The following PCTP variants were observed in gnomAD, a reference collection of about 807,000 sequenced individuals.
PCTP encodes phosphatidylcholine transfer protein.
Under a neutral mutation model 31.0 loss-of-function variants are expected in PCTP, and 27 were observed. The observed-to-expected ratio is 0.87, with a 90% CI of 0.64 to 1.20. The LOEUF (loss-of-function observed/expected upper bound fraction) is 1.20, where lower values mean the gene tolerates loss of function less well. Among genes scored for constraint, PCTP ranks in the 50% most tolerant of loss-of-function variants. The pLI is 0.00. For missense variants in PCTP, 287 were observed against 268.2 expected (o/e 1.07, Z -0.49); for synonymous variants, 108 against 101.2 (o/e 1.07, Z -0.40).
At position 55,816,053 on chromosome 17, in the gene PCTP, G is replaced by GA. The variant is rs1178989394; in HGVS notation, c.318-6707dup. On this transcript the variant is annotated intron_variant, in intron 3 of 3. Transcript: ENST00000572536. ...AATTACTAACATTTCCTCTCTTCATGAGGACAAGGTTCTTCTTCTTTAATT... is the reference window on the plus strand; with the variant it reads ...AATTACTAACATTTCCTCTCTTCATGAAGGACAAGGTTCTTCTTCTTTAATT... Among the ~76,000 whole-genome samples, 5 of 152,254 alleles carry GA rather than the reference G, an allele frequency of 3.3e-5. No homozygotes were observed. The South Asian group carries it at 6.2e-4, about 19-fold the overall frequency.
chr17:55,851,165 C>T, the PCTP span, among the ~76,000 whole-genome samples: 2 of 152,248 alleles, frequency 1.3e-5, no homozygotes, highest in South Asian at 4.1e-4. Flanking sequence ...CTCTTAGATC[C>T]TATTTTTTCT....
chr17:55,845,246 G>A (rs939861676), downstream of PCTP, among the ~76,000 whole-genome samples: 2 of 152,242 alleles, frequency 1.3e-5, no homozygotes, highest in South Asian at 4.2e-4. Flanking sequence ...TCAGCCAATA[G>A]GTGTTTATTT....
At chr17:55,772,399 C>G (rs1429727333) in intron 3 of PCTP, among the ~76,000 whole-genome samples, 1 of 151,838 alleles carries the variant, frequency 6.6e-6, no homozygotes, top group South Asian at 2.1e-4. Flanking sequence ...TCAGCCTGGC[C>G]AACATGGAGA....
chr17:55,758,431 T>C (rs1344788032), intron 1 of PCTP, among the ~76,000 whole-genome samples: 3 of 152,128 alleles, frequency 2.0e-5, no homozygotes, highest in Admixed American at 6.5e-5. Flanking sequence ...CACAGATCCA[T>C]CTCACAGGAG....
intron 1 of PCTP, among the ~76,000 whole-genome samples, chr17:55,752,072 T>C (rs898825986): frequency 2.6e-5 from 4 of 152,186 alleles, no homozygotes; most frequent in African/African-American, 7.2e-5. Flanking sequence ...CCAGGTTTCA[T>C]AGGTGAAAGC....
At chr17:55,786,093 G>A in intron 2 of PCTP, among the ~76,000 whole-genome samples, 1 of 152,180 alleles carries the variant, frequency 6.6e-6, no homozygotes, top group East Asian at 1.9e-4. Flanking sequence ...GACCAGCCTG[G>A]CCAACATGGC....
At chr17:55,788,218 A>G (rs1911821364) in intron 3 of PCTP, among the ~76,000 whole-genome samples, 1 of 152,192 alleles carries the variant, frequency 6.6e-6, no homozygotes, top group Non-Finnish European at 1.5e-5. Context: ...GTACCATGCT[A>G]ACTTTAACCT....
At chr17:55,786,561 T>G (rs1387637431) in intron 2 of PCTP, among the ~76,000 whole-genome samples, 1 of 152,226 alleles carries the variant, frequency 6.6e-6, no homozygotes, top group Non-Finnish European at 1.5e-5. Flanking sequence ...GTTACTTTCA[T>G]CTATTGACCT....
At chr17:55,756,550 C>T (rs1283608710) in intron 1 of PCTP, among the ~76,000 whole-genome samples, 1 of 152,154 alleles carries the variant, frequency 6.6e-6, no homozygotes, top group Non-Finnish European at 1.5e-5. Context: ...CAAGCCCTAC[C>T]TTAGGGATTC....
chr17:55,764,305 C>T (rs1401998184), intron 1 of PCTP, among the ~76,000 whole-genome samples: 2 of 152,138 alleles, frequency 1.3e-5, no homozygotes, highest in African/African-American at 4.8e-5. Context: ...TGCTATTTGT[C>T]TCCCTTCCAA....
Position 55,799,273 on chromosome 17 carries a change from T to C in PCTP, c.317+11619T>C, listed in dbSNP as rs549712341. ...CTGCTTAAAAGAGACATAATTTAAA[T>C]GCAAAAAGGTTAAAAGTAAAAATGT... On this transcript the variant is annotated intron_variant, in intron 3 of 3. Transcript: ENST00000572536. Among the ~76,000 whole-genome samples, 5 of 152,174 alleles carry C rather than the reference T, an allele frequency of 3.3e-5. No homozygotes were observed. The South Asian group carries it at 1.0e-3, about 32-fold the overall frequency.
chr17:55,758,016 T>G (rs2960074), intron 1 of PCTP, among the ~76,000 whole-genome samples: 124,410 of 152,130 alleles, frequency 0.82, 54,589 homozygotes, highest in Non-Finnish European at 0.98. Flanking sequence ...ATGGGTCACT[T>G]AGAAAAGCTC....
intron 2 of PCTP, among the ~76,000 whole-genome samples, chr17:55,784,679 T>C (rs1252451919): frequency 2.0e-5 from 3 of 152,094 alleles, no homozygotes; most frequent in Admixed American, 1.3e-4. Context: ...ATAAGACAAA[T>C]AAAAAGTAAA....
chr17:55,757,132 GATAT>G (rs973920755), intron 1 of PCTP, among the ~76,000 whole-genome samples: 1 of 151,086 alleles, frequency 6.6e-6, no homozygotes, highest in African/African-American at 2.4e-5. Flanking sequence ...TGTGCATTTG[GATAT>G]ATATATGTAC....
intron 5 of PCTP, among the ~76,000 whole-genome samples, chr17:55,839,470 G>A (rs1905887549): frequency 6.6e-6 from 1 of 152,118 alleles, no homozygotes; most frequent in Non-Finnish European, 1.5e-5. Flanking sequence ...TATGATGTCT[G>A]GTCCCAACCC....
intron 3 of PCTP, among the ~76,000 whole-genome samples, chr17:55,805,872 C>G (rs573115588): frequency 2.4e-5 from 3 of 126,256 alleles, no homozygotes; most frequent in South Asian, 2.2e-4. Context: ...TATGGTCTCT[C>G]TCTCTCAATC....
intron 1 of PCTP, among the ~76,000 whole-genome samples, chr17:55,764,366 A>T (rs748810493): frequency 4.6e-5 from 7 of 152,200 alleles, no homozygotes; most frequent in Non-Finnish European, 5.9e-5. Context: ...GGGTATGTAT[A>T]AATCCTTACT....
chr17:55,824,207 C>T (rs1477560928), downstream of PCTP, among the ~76,000 whole-genome samples: 2 of 151,888 alleles, frequency 1.3e-5, no homozygotes, highest in Non-Finnish European at 2.9e-5. Context: ...TTTCAGTGAC[C>T]CAGTTACTGA....
At position 55,776,761 on chromosome 17, in the gene PCTP, C is replaced by T; in HGVS notation, c.*661C>T. 1 of 1,141,866 alleles carries T rather than the reference C, an allele frequency of 8.8e-7. No homozygotes were observed. The highest frequency in any genetic ancestry group is 1.1e-6 in the Non-Finnish European group (1 of 931,074). The allele number at this position is 1,141,866 out of a possible 1,614,324, so 70.7% of individuals were successfully genotyped here. ...AGACCATTTGGAGAAGTATCAGAGG[C>T]CTGACCGGACACATAATATGACAAC... On this transcript the variant is annotated 3_prime_UTR_variant, in exon 6 of 6. Transcript: ENST00000268896.
Sources: gnomAD v4.1 joint callset for allele counts (sites outside exome capture counted in the v4.1 genomes callset) on GRCh38, gnomAD v4.1.1 for gene constraint, MANE v1.5 for transcripts, NCBI Gene and HGNC (gene_info 2026-07-23, HGNC 2026-07-21) for gene names.